Variants in UBA52 observed in about 807,000 individuals in gnomAD.
UBA52 encodes ubiquitin-ribosomal protein eL40 fusion protein.
In UBA52, 1 loss-of-function variant was observed where a neutral mutation model predicts 15.3. The ratio of observed to expected loss-of-function variants is 0.07; its 90% CI spans 0.02 to 0.31. The LOEUF (loss-of-function observed/expected upper bound fraction) is 0.31, where lower values mean the gene tolerates loss of function less well. Ranked by LOEUF, UBA52 falls within the 10% of genes least tolerant of loss-of-function variation. The probability of loss-of-function intolerance (pLI) is 1.00; values close to 1 mark genes in which losing one functional copy is unlikely to be tolerated. For missense variants in UBA52, 87 were observed against 168.0 expected (o/e 0.52, Z 2.66); for synonymous variants, 50 against 58.3 (o/e 0.86, Z 0.65).
chr19:18,568,265 C>CAA (rs397859705), upstream of UBA52: 1,381 of 499,758 alleles, frequency 2.8e-3, no homozygotes, highest in African/African-American at 8.9e-3. Context: ...AACTCCGTCT[C>CAA]AAAAAAAAAA....
the UBA52 span, chr19:18,565,207 A>C: frequency 3.1e-6 from 4 of 1,273,852 alleles, no homozygotes; most frequent in African/African-American, 6.1e-5. Flanking sequence ...TTATTTACTG[A>C]TTGATTAATT....
chr19:18,568,265 CAAAAA>C (rs397859705), upstream of UBA52: 494 of 499,596 alleles, frequency 9.9e-4, no homozygotes, highest in Middle Eastern at 1.5e-3. Context: ...AACTCCGTCT[CAAAAA>C]AAAAAAAAAA....
chr19:18,563,779 G>A, the UBA52 span, among the ~76,000 whole-genome samples: 1 of 152,144 alleles, frequency 6.6e-6, no homozygotes, highest in Non-Finnish European at 1.5e-5. Context: ...TGGGATTACA[G>A]GTGTGAGCCA....
At chr19:18,569,293 G>A (rs1975405675), upstream of UBA52, 1 of 152,682 alleles carries the variant, frequency 6.5e-6, no homozygotes, top group African/African-American at 2.4e-5. Context: ...TCGGGAAAGA[G>A]TTTAATGGAA....
At chr19:18,574,206 C>G (rs1392215555) in intron 3 of UBA52, among the ~76,000 whole-genome samples, 1 of 93,888 alleles carries the variant, frequency 1.1e-5, no homozygotes, top group Non-Finnish European at 2.2e-5. Context: ...ATTGCTTGAA[C>G]TCGGGAGACA....
chr19:18,574,209 G>A (rs1031976441), intron 3 of UBA52, among the ~76,000 whole-genome samples: 4 of 86,926 alleles, frequency 4.6e-5, no homozygotes, highest in African/African-American at 2.3e-4. Context: ...GCTTGAACTC[G>A]GGAGACAAAA....
chr19:18,574,129 CA>C (rs1975653129), intron 3 of UBA52, among the ~76,000 whole-genome samples: 1 of 150,532 alleles, frequency 6.6e-6, no homozygotes, highest in Admixed American at 6.6e-5. Context: ...ACTAAAAATA[CA>C]AAAATTAGCT....
chr19:18,573,516 T>C, intron 2 of UBA52, 113 bp downstream of exon 2: 1 of 1,297,474 alleles, frequency 7.7e-7, no homozygotes. Flanking sequence ...TTGCCCTTGC[T>C]TCTCCATGTG....
chr19:18,568,755 AG>A, upstream of UBA52: 1 of 691,616 alleles, frequency 1.4e-6, no homozygotes, highest in South Asian at 1.8e-5. Flanking sequence ...CAGGGCTCCT[AG>A]GGGGACAAGG....
intron 2 of UBA52, 88 bp from the exon 3 acceptor site, chr19:18,573,574 A>C: frequency 6.8e-7 from 1 of 1,467,086 alleles, no homozygotes; most frequent in Middle Eastern, 1.7e-4. Context: ...CTTTTGAGAA[A>C]CTGGGGGTAG....
upstream of UBA52, chr19:18,568,521 G>A (rs149135680): frequency 9.3e-6 from 15 of 1,614,054 alleles, no homozygotes; most frequent in East Asian, 8.9e-5. Flanking sequence ...CCCCGACACC[G>A]TCTCGCCCTC....
Position 18,576,948 on chromosome 19 carries a change from G to C in UBA52, c.*1798G>C, listed in dbSNP as rs535275762. 6.7e-6 allele frequency: 1 copy of C among 148,490 alleles called. No homozygotes were observed. Among genetic ancestry groups the C allele is most frequent in the Non-Finnish European group, 1.5e-5 (1 of 67,618 alleles). 9.2% of individuals were successfully genotyped at this position (148,490 alleles called of 1,614,324 possible). A position where few individuals can be genotyped will look rare whatever the true frequency, so the allele number is the denominator to read the frequency against. On this transcript the variant is annotated 3_prime_UTR_variant, in exon 5 of 5. Coordinates refer to ENST00000442744, the MANE Select transcript of UBA52 (RefSeq NM_001033930.3). The stretch of plus-strand genomic sequence containing the variant: ...CTTCCAAAGTGCTAGGATTACAAGC[G>C]TAAGCCACAGCGCCTGGCCTTGCTA...
chr19:18,573,267 C>T, intron 1 of UBA52, 26 bp from the exon 2 acceptor site: 1 of 1,606,266 alleles, frequency 6.2e-7, no homozygotes, highest in South Asian at 1.1e-5. Context: ...GCTCACCAGT[C>T]TATCCTGCCT....
chr19:18,565,621 C>G, the UBA52 span, among the ~76,000 whole-genome samples: 1 of 152,350 alleles, frequency 6.6e-6, no homozygotes, highest in Non-Finnish European at 1.5e-5. Flanking sequence ...TCAAGCGATT[C>G]TTGTGCTTCA....
At chr19:18,567,278 C>A (rs1227669491), upstream of UBA52, 3 of 1,226,398 alleles carry the variant, frequency 2.4e-6, no homozygotes, top group Non-Finnish European at 3.6e-6. Context: ...TGAGACCAGG[C>A]TGTAATGGGC....
chr19:18,573,515 C>A (rs1475423073), intron 2 of UBA52, 112 bp downstream of exon 2: 3 of 1,292,214 alleles, frequency 2.3e-6, no homozygotes, highest in East Asian at 2.4e-5. Flanking sequence ...TTTGCCCTTG[C>A]TTCTCCATGT....
upstream of UBA52, among the ~76,000 whole-genome samples, chr19:18,567,993 C>T (rs1426293077): frequency 6.6e-6 from 1 of 152,172 alleles, no homozygotes; most frequent in African/African-American, 2.4e-5. Context: ...GTCTGCCAGG[C>T]GCGGTGGCTC....
chr19:18,570,368 A>G (rs1162521478), upstream of UBA52, among the ~76,000 whole-genome samples: 1 of 151,766 alleles, frequency 6.6e-6, no homozygotes, highest in South Asian at 2.1e-4. Flanking sequence ...ATAGTTCAAA[A>G]TAAAACTTTT....
upstream of UBA52, chr19:18,567,372 A>T (rs1289913016): frequency 1.5e-6 from 1 of 653,378 alleles, no homozygotes; most frequent in Non-Finnish European, 2.8e-6. Context: ...GGGCACTAGG[A>T]CGGGAGTCCG....
Sources: allele counts gnomAD v4.1 joint callset (sites outside exome capture counted in the v4.1 genomes callset), GRCh38; gene constraint gnomAD v4.1.1; transcripts MANE v1.5; gene names NCBI Gene and HGNC (gene_info 2026-07-23, HGNC 2026-07-21).